The following FARP1 variants were observed in gnomAD, a reference collection of about 807,000 sequenced individuals.
FARP1 encodes the protein FERM, ARH/RhoGEF and pleckstrin domain protein 1.
Under a neutral mutation model 128.8 loss-of-function variants are expected in FARP1, and 52 were observed. That is an observed-to-expected ratio of 0.40 (90% CI 0.32 to 0.51). FARP1 has a LOEUF of 0.51. Ranked by LOEUF, FARP1 falls within the 20% of genes least tolerant of loss-of-function variation. FARP1 has a pLI of 0.45. For missense variants in FARP1, 1,333 were observed against 1,367.9 expected, an observed-to-expected ratio of 0.97 and a Z score of 0.40; for synonymous variants, 580 against 551.8, an observed-to-expected ratio of 1.05 and a Z score of -0.72.
At chr13:98,384,183 CT>C (rs58850627) in intron 6 of FARP1, 26,295 of 67,980 alleles carry the variant, frequency 0.39, 2,443 homozygotes, top group African/African-American at 0.47. Context: ...GATTCTGAGG[CT>C]TTTTTTTTTG....
At chr13:98,277,109 T>TACACACACACACACACACACACAC (rs368911842) in intron 2 of FARP1, among the ~76,000 whole-genome samples, 3,528 of 118,036 alleles carry the variant, frequency 0.03, 155 homozygotes, top group East Asian at 0.034. Context: ...TCTAGAAAAA[T>TACACACACACACACACACACACAC]ACACACACAC....
At chr13:98,281,285 G>A (rs555893032) in intron 2 of FARP1, among the ~76,000 whole-genome samples, 2 of 152,108 alleles carry the variant, frequency 1.3e-5, no homozygotes, top group South Asian at 2.1e-4. Context: ...CCCAGGAGGC[G>A]GAGGTTGCAG....
intron 1 of FARP1, among the ~76,000 whole-genome samples, chr13:98,207,400 G>A (rs1880335216): frequency 6.6e-6 from 1 of 152,168 alleles, no homozygotes; most frequent in South Asian, 2.1e-4. Flanking sequence ...GGGCAAGAGG[G>A]AGAGAAAGGA....
intron 2 of FARP1, among the ~76,000 whole-genome samples, chr13:98,242,650 C>G (rs1882840467): frequency 1.3e-5 from 2 of 152,088 alleles, no homozygotes; most frequent in African/African-American, 2.4e-5. Context: ...GCATTCCGGC[C>G]TGGGCAACAG....
intron 2 of FARP1, among the ~76,000 whole-genome samples, chr13:98,218,065 G>T (rs1038143957): frequency 1.1e-4 from 16 of 152,026 alleles, no homozygotes; most frequent in African/African-American, 3.6e-4. Flanking sequence ...TGAGATTCGC[G>T]GACTTCCTCT....
intron 2 of FARP1, chr13:98,330,026 G>A (rs536569946): frequency 6.6e-6 from 1 of 152,474 alleles, no homozygotes; most frequent in East Asian, 1.9e-4. Flanking sequence ...AGGGTAGTCA[G>A]GGTCGGCACT....
intron 2 of FARP1, among the ~76,000 whole-genome samples, chr13:98,285,796 G>T (rs1358195220): frequency 1.3e-5 from 2 of 152,198 alleles, no homozygotes; most frequent in Non-Finnish European, 2.9e-5. Context: ...AAGACAAGTT[G>T]TTGCTTTTCA....
At chr13:98,281,755 G>A (rs1324718511) in intron 2 of FARP1, among the ~76,000 whole-genome samples, 2 of 152,170 alleles carry the variant, frequency 1.3e-5, no homozygotes, top group Non-Finnish European at 1.5e-5. Flanking sequence ...TATGAACTGC[G>A]AGGCCCTCTG....
intron 2 of FARP1, among the ~76,000 whole-genome samples, chr13:98,291,552 T>C (rs1885445630): frequency 6.6e-6 from 1 of 152,170 alleles, no homozygotes; most frequent in Non-Finnish European, 1.5e-5. Flanking sequence ...GGTGGTTGGA[T>C]TCCAAACCTG....
At chr13:98,274,158 T>C (rs1262059625) in intron 2 of FARP1, among the ~76,000 whole-genome samples, 2 of 152,188 alleles carry the variant, frequency 1.3e-5, no homozygotes, top group African/African-American at 4.8e-5. Flanking sequence ...CAGATGTACC[T>C]GTAGGCCTGG....
intron 1 of FARP1, among the ~76,000 whole-genome samples, chr13:98,164,845 C>T (rs1877129479): frequency 1.3e-5 from 2 of 151,970 alleles, no homozygotes; most frequent in East Asian, 1.9e-4. Flanking sequence ...TTTGGGAGGC[C>T]GAGGCGGGTG....
At chr13:98,261,216 G>A (rs556399674) in intron 2 of FARP1, among the ~76,000 whole-genome samples, 47 of 152,356 alleles carry the variant, frequency 3.1e-4, no homozygotes, top group Non-Finnish European at 6.3e-4. Context: ...CTGAGGCAGC[G>A]AGAGAGGAGA....
At chr13:98,365,894 G>GGTGT (rs55871546) in intron 4 of FARP1, among the ~76,000 whole-genome samples, 8,772 of 148,128 alleles carry the variant, frequency 0.059, 751 homozygotes, top group African/African-American at 0.2. Context: ...GTGTGTATGT[G>GGTGT]GTGTGTGTGT....
intron 3 of FARP1, among the ~76,000 whole-genome samples, chr13:98,351,610 TAA>T (rs67814587): frequency 2.7e-4 from 34 of 124,534 alleles, no homozygotes; most frequent in Middle Eastern, 4.1e-3. Context: ...AGACTCCATC[TAA>T]AAAAAAAAAA....
chr13:98,389,791 T>C, intron 9 of FARP1, 166 bp from the exon 10 acceptor site: 1 of 632,014 alleles, frequency 1.6e-6, no homozygotes, highest in Non-Finnish European at 2.7e-6. Flanking sequence ...CATCTTGTCC[T>C]TAAGAATAAC....
At chr13:98,268,054 T>G (rs1470892978) in intron 2 of FARP1, among the ~76,000 whole-genome samples, 2 of 152,192 alleles carry the variant, frequency 1.3e-5, no homozygotes, top group African/African-American at 4.8e-5. Flanking sequence ...CCTCCAGAAC[T>G]TTTTCACGCT....
chr13:98,352,673 TAAA>T (rs1888484828), intron 3 of FARP1, among the ~76,000 whole-genome samples: 2 of 152,204 alleles, frequency 1.3e-5, no homozygotes, highest in African/African-American at 2.4e-5. Context: ...TAATGATATT[TAAA>T]AAACAGAGAC....
At chr13:98,414,803 G>T (rs570140727) in intron 16 of FARP1, among the ~76,000 whole-genome samples, 1 of 152,170 alleles carries the variant, frequency 6.6e-6, no homozygotes, top group East Asian at 1.9e-4. Context: ...CGGCTTTCAC[G>T]TGTCAAATGG....
intron 2 of FARP1, among the ~76,000 whole-genome samples, chr13:98,255,458 G>A (rs1392550540): frequency 1.3e-5 from 2 of 151,874 alleles, no homozygotes; most frequent in Non-Finnish European, 2.9e-5. Flanking sequence ...CCGAGATTGC[G>A]CCACTGCACT....
Sources: allele counts gnomAD v4.1 joint callset (sites outside exome capture counted in the v4.1 genomes callset), GRCh38; gene constraint gnomAD v4.1.1; transcripts MANE v1.5; gene names NCBI Gene and HGNC (gene_info 2026-07-23, HGNC 2026-07-21).